Variants in ADAMTSL1 observed in about 807,000 individuals in gnomAD.
ADAMTSL1 encodes the protein ADAMTS like 1.
A neutral mutation model predicts 201.8 loss-of-function variants in ADAMTSL1; 126 were observed. That is an observed-to-expected ratio of 0.62 (90% confidence interval 0.54 to 0.72). ADAMTSL1 has a LOEUF of 0.72. Among genes scored for constraint, ADAMTSL1 ranks in the 30% least tolerant of loss-of-function variants. The pLI, the probability that ADAMTSL1 is intolerant of heterozygous loss-of-function variation, is 0.00. For missense variants in ADAMTSL1, 2,679 were observed against 2,277.8 expected, an observed-to-expected ratio of 1.18 and a Z score of -3.59; for synonymous variants, 1,121 against 903.4, an observed-to-expected ratio of 1.24 and a Z score of -4.32.
intron 4 of ADAMTSL1, among the ~76,000 whole-genome samples, chr9:18,616,106 A>G (rs991003668): frequency 3.3e-5 from 5 of 152,084 alleles, no homozygotes; most frequent in Non-Finnish European, 2.9e-5. Flanking sequence ...GCTCACTGCA[A>G]CCTCTGCCTC....
intron 1 of ADAMTSL1, among the ~76,000 whole-genome samples, chr9:18,074,678 C>T (rs969501489): frequency 2.0e-5 from 3 of 151,930 alleles, no homozygotes; most frequent in Admixed American, 6.6e-5. Flanking sequence ...GCAATCTCTG[C>T]CTCCTGGGTT....
intron 1 of ADAMTSL1, among the ~76,000 whole-genome samples, chr9:17,934,007 C>T (rs998541959): frequency 4.6e-5 from 7 of 152,096 alleles, no homozygotes; most frequent in Admixed American, 6.6e-5. Flanking sequence ...TTTGTCTTTA[C>T]GGTATTAACT....
chr9:18,279,665 A>C (rs113009463), intron 2 of ADAMTSL1, among the ~76,000 whole-genome samples: 5 of 152,262 alleles, frequency 3.3e-5, no homozygotes, highest in African/African-American at 1.2e-4. Context: ...ATAATTCAAA[A>C]TACAGCTGAC....
chr9:18,031,692 G>C (rs936207445), intron 1 of ADAMTSL1, among the ~76,000 whole-genome samples: 1 of 152,120 alleles, frequency 6.6e-6, no homozygotes, highest in Non-Finnish European at 1.5e-5. Flanking sequence ...TTTTCCAATC[G>C]TTGGCATTGT....
intron 9 of ADAMTSL1, among the ~76,000 whole-genome samples, chr9:18,672,721 C>T (rs1829896530): frequency 6.6e-6 from 1 of 152,112 alleles, no homozygotes; most frequent in Non-Finnish European, 1.5e-5. Context: ...CCATTATGTC[C>T]ATGTGCTGCA....
intron 20 of ADAMTSL1, among the ~76,000 whole-genome samples, chr9:18,808,471 A>G (rs1823298934): frequency 6.6e-6 from 1 of 152,224 alleles, no homozygotes; most frequent in Non-Finnish European, 1.5e-5. Flanking sequence ...GACAAGAAAA[A>G]AAGGCCATTA....
At chr9:18,260,961 G>A (rs1017877265) in intron 2 of ADAMTSL1, among the ~76,000 whole-genome samples, 3 of 148,366 alleles carry the variant, frequency 2.0e-5, no homozygotes, top group South Asian at 2.1e-4. Flanking sequence ...CAAGTTGTAT[G>A]TAAGTAGAGA....
At chr9:18,650,318 G>T (rs1048089295) in intron 7 of ADAMTSL1, among the ~76,000 whole-genome samples, 1 of 152,192 alleles carries the variant, frequency 6.6e-6, no homozygotes, top group Non-Finnish European at 1.5e-5. Context: ...GCCAGGAAAG[G>T]GAACTCCCTG....
At chr9:18,202,020 T>C (rs1320675072) in intron 2 of ADAMTSL1, among the ~76,000 whole-genome samples, 1 of 152,194 alleles carries the variant, frequency 6.6e-6, no homozygotes, top group African/African-American at 2.4e-5. Flanking sequence ...TAATTCAATA[T>C]GATTTGCTGT....
chr9:18,684,464 A>G (rs1830703179), intron 12 of ADAMTSL1, among the ~76,000 whole-genome samples: 1 of 152,250 alleles, frequency 6.6e-6, no homozygotes, highest in South Asian at 2.1e-4. Context: ...TACAACTTTC[A>G]TAATAAAATG....
chr9:18,510,857 C>T (rs1240886342), intron 2 of ADAMTSL1, among the ~76,000 whole-genome samples: 2 of 151,948 alleles, frequency 1.3e-5, no homozygotes, highest in African/African-American at 4.8e-5. Context: ...GAAGCTGCTC[C>T]TCTCTCCAGT....
At position 18,770,722 on chromosome 9, in the gene ADAMTSL1, C is replaced by T; in HGVS notation, c.2338C>T (p.Gln780Ter). 2 of 1,613,856 alleles carry T rather than the reference C, an allele frequency of 1.2e-6. No individual in the cohort carries two copies. The highest frequency in any genetic ancestry group is 1.7e-6 in the Non-Finnish European group (2 of 1,179,864). ...TFCSASKPAC[Q>*]QACKKDDCPS... ...CTGTTCAGCTTCAAAACCTGCCTGC[C>T]AGCAAGCATGCAAGAAAGATGACTG... Residue 780 changes from glutamine (Q) to a stop codon, truncating the protein, a stop_gained, in exon 17 of 29, where the codon CAG (glutamine) becomes TAG (stop). Coordinates refer to ENST00000380548, the MANE Select transcript of ADAMTSL1 (RefSeq NM_001040272.6). LOFTEE classifies it high-confidence loss of function.
chr9:18,094,513 G>T (rs1824158440), intron 1 of ADAMTSL1, among the ~76,000 whole-genome samples: 2 of 152,108 alleles, frequency 1.3e-5, no homozygotes, highest in Admixed American at 6.6e-5. Context: ...TATGGCATCT[G>T]TGAGCCACTG....
intron 2 of ADAMTSL1, among the ~76,000 whole-genome samples, chr9:18,225,236 T>A (rs1387414179): frequency 6.6e-6 from 1 of 152,140 alleles, no homozygotes; most frequent in Non-Finnish European, 1.5e-5. Flanking sequence ...AAACATACCT[T>A]CCTCTAAAGT....
chr9:18,112,675 T>C (rs930865345), intron 1 of ADAMTSL1, among the ~76,000 whole-genome samples: 1 of 152,062 alleles, frequency 6.6e-6, no homozygotes, highest in Non-Finnish European at 1.5e-5. Context: ...GCATACATAG[T>C]AGTAGGAGAC....
intron 23 of ADAMTSL1, among the ~76,000 whole-genome samples, chr9:18,865,417 C>T (rs910022587): frequency 1.5e-4 from 23 of 152,186 alleles, no homozygotes; most frequent in African/African-American, 5.3e-4. Context: ...ATATGTGCCA[C>T]ATTTTCTTAA....
chr9:18,447,448 G>T (rs1820235307), intron 2 of ADAMTSL1, among the ~76,000 whole-genome samples: 1 of 152,184 alleles, frequency 6.6e-6, no homozygotes, highest in East Asian at 1.9e-4. Context: ...TGGGGAAAAT[G>T]AGAGCCAAAC....
At chr9:18,887,772 C>T (rs980683087) in intron 23 of ADAMTSL1, 59 bp from the exon 24 acceptor site, 3 of 1,446,406 alleles carry the variant, frequency 2.1e-6, no homozygotes, top group Admixed American at 3.7e-5. Context: ...TAAACCAGTG[C>T]ACCAGCAATG....
intron 23 of ADAMTSL1, among the ~76,000 whole-genome samples, chr9:18,876,016 G>A (rs776718841): frequency 2.6e-5 from 4 of 151,998 alleles, no homozygotes; most frequent in Non-Finnish European, 4.4e-5. Flanking sequence ...TTTTTTAACT[G>A]CTGTTGCTTT....
Sources: allele counts gnomAD v4.1 joint callset (sites outside exome capture counted in the v4.1 genomes callset), GRCh38; gene constraint gnomAD v4.1.1; transcripts MANE v1.5; gene names NCBI Gene and HGNC (gene_info 2026-07-23, HGNC 2026-07-21).